Variants in GNB5 observed in about 807,000 individuals in gnomAD.
GNB5 encodes guanine nucleotide-binding protein subunit beta-5.
GNB5 carries 37 observed loss-of-function variants against 55.3 expected under a neutral mutation model. That is an observed-to-expected ratio of 0.67 (90% confidence interval 0.51 to 0.88). The LOEUF is 0.88. GNB5 is among the 40% of genes least tolerant of loss of function. GNB5 has a pLI of 0.00. For synonymous variants in GNB5, 219 were observed against 198.5 expected, an observed-to-expected ratio of 1.10 and a Z score of -0.87; for missense variants, 476 against 515.3, an observed-to-expected ratio of 0.92 and a Z score of 0.74.
At chr15:52,163,336 A>AT (rs2034377981) in intron 3 of GNB5, among the ~76,000 whole-genome samples, 2 of 152,164 alleles carry the variant, frequency 1.3e-5, no homozygotes, top group Non-Finnish European at 2.9e-5. Context: ...AGATCCATCT[A>AT]TTCCCCTAGG....
Position 52,117,102 on chromosome 15 carries a change from A to ATATATATATATATATATATATATTTTTTT in GNB5, c.*5654_*5655insAAAAAAATATATATATATATATATATATA. On this transcript the variant is annotated 3_prime_UTR_variant, in exon 13 of 13. Transcript: ENST00000261837. ...CCACGCCCAGCTAATATATATATAT[A>ATATATATATATATATATATATATTTTTTT]TTTTTTTTTAGTACAGACAGGGTTT... The ATATATATATATATATATATATATTTTTTT allele has an allele frequency of 1.7e-4, 15 of 87,088 alleles. No homozygotes were observed. In the East Asian group the frequency reaches 2.7e-3, roughly 16 times the overall value. The allele number at this position is 87,088 out of a possible 1,614,324, so 5.4% of individuals were successfully genotyped here. A position where few individuals can be genotyped will look rare whatever the true frequency, so the allele number is the denominator to read the frequency against.
In GNB5 at chr15:52,118,877, A is replaced by C. The variant is rs1354253835; in HGVS notation, c.*3880T>G. The C allele has an allele frequency of 6.6e-6, 1 of 151,230 alleles. No homozygotes were observed. Among genetic ancestry groups the C allele is most frequent in the Non-Finnish European group, 1.5e-5 (1 of 67,826 alleles). The allele number at this position is 151,230 out of a possible 1,614,324, so 9.4% of individuals were successfully genotyped here. The stretch of plus-strand genomic sequence containing the variant: ...AAGAGCAAAACTCCACGTAAAAAAA[A>C]AAAAAAAAAAAAAGTGTACAGAGAT... On this transcript the variant is annotated 3_prime_UTR_variant, in exon 13 of 13. Transcript: ENST00000261837.
intron 6 of GNB5, 193 bp downstream of exon 6, chr15:52,147,266 T>G (rs2033997117): frequency 6.4e-6 from 3 of 468,758 alleles, no homozygotes; most frequent in Non-Finnish European, 1.2e-5. Flanking sequence ...GCCTCCCAGG[T>G]GGCTGGGATT....
Position 52,184,647 on chromosome 15 carries a change from T to C in GNB5, c.30A>G (p.Val10=). The C allele has an allele frequency of 6.2e-7, 1 of 1,613,750 alleles. No homozygotes were observed. The highest frequency in any genetic ancestry group is 8.5e-7 in the Non-Finnish European group (1 of 1,179,688). Residue 10 remains valine, a synonymous_variant, in exon 2 of 13, where the codon GTA becomes GTG. Transcript: ENST00000261837. ...TGAAACATTTGTCACATGAGCCAAA[T>C]ACATTAACGAGAAAGGTCTGATCAC... The part of the protein sequence containing the change: MCDQTFLVN[V]FGSCDKCFKQ...
At position 52,136,172 on chromosome 15, in the gene GNB5, A is replaced by ACACC. The variant is rs1168734914; in HGVS notation, c.628-417_628-416insGGTG. On this transcript the variant is annotated intron_variant, in intron 7 of 12. Coordinates refer to ENST00000261837, the MANE Select transcript of GNB5 (RefSeq NM_016194.4). ...CACACACACACACACACACACACACACCCTACCTGCTGTATCTGGGTTCAT... is the reference window on the plus strand; with the variant it reads ...CACACACACACACACACACACACACACACCCCCTACCTGCTGTATCTGGGTTCAT... Among the ~76,000 whole-genome samples, 703 of 100,084 alleles carry ACACC rather than the reference A, an allele frequency of 7.0e-3. 54 individuals carry two copies. Among genetic ancestry groups the ACACC allele is most frequent in the African/African-American group, 0.025 (563 of 22,758 alleles). 65.7% of individuals were successfully genotyped at this position (100,084 alleles called of 152,430 possible). A position where few individuals can be genotyped will look rare whatever the true frequency, so the allele number is the denominator to read the frequency against.
intron 3 of GNB5, among the ~76,000 whole-genome samples, chr15:52,177,028 C>CT (rs545411940): frequency 0.031 from 2,378 of 77,636 alleles, 156 homozygotes; most frequent in African/African-American, 0.077. Context: ...CTAGCTCCTC[C>CT]TTTTTTTTTT....
At chr15:52,156,427 CT>C (rs2034208683) in intron 3 of GNB5, among the ~76,000 whole-genome samples, 1 of 152,206 alleles carries the variant, frequency 6.6e-6, no homozygotes, top group African/African-American at 2.4e-5. Context: ...AAAACTCAAA[CT>C]GTAAAAATAC....
intron 12 of GNB5, among the ~76,000 whole-genome samples, chr15:52,123,229 T>C (rs2033319980): frequency 6.6e-6 from 1 of 152,200 alleles, no homozygotes; most frequent in Non-Finnish European, 1.5e-5. Context: ...AACACTAGAC[T>C]ACTCAACTTA....
At chr15:52,161,792 G>A (rs955561734) in intron 3 of GNB5, among the ~76,000 whole-genome samples, 3 of 152,218 alleles carry the variant, frequency 2.0e-5, no homozygotes, top group South Asian at 2.1e-4. Context: ...CCTGTGCTGC[G>A]TGCCAGACTG....
At chr15:52,126,946 G>A (rs570274462) in intron 10 of GNB5, among the ~76,000 whole-genome samples, 24 of 152,224 alleles carry the variant, frequency 1.6e-4, no homozygotes, top group East Asian at 1.4e-3. Flanking sequence ...ACAGGTGACC[G>A]CCACCACGCC....
chr15:52,132,829 G>T (rs773003305), intron 9 of GNB5, among the ~76,000 whole-genome samples: 5 of 151,792 alleles, frequency 3.3e-5, no homozygotes, highest in Admixed American at 6.6e-5. Flanking sequence ...CTTTTGTTAG[G>T]TCCCTTAACC....
chr15:52,165,526 A>G (rs2034433236), intron 3 of GNB5, among the ~76,000 whole-genome samples: 1 of 152,224 alleles, frequency 6.6e-6, no homozygotes, highest in Non-Finnish European at 1.5e-5. Flanking sequence ...ACAAGCCCGA[A>G]GAGAGTGGGG....
chr15:52,165,059 G>A (rs116566232), intron 3 of GNB5, among the ~76,000 whole-genome samples: 293 of 152,258 alleles, frequency 1.9e-3, no homozygotes, highest in African/African-American at 6.9e-3. Context: ...AGAATGTCAC[G>A]ATGCAATCAC....
At chr15:52,180,256 G>C (rs2034745883) in intron 2 of GNB5, 1 of 157,722 alleles carries the variant, frequency 6.3e-6, no homozygotes, top group Non-Finnish European at 1.4e-5. Flanking sequence ...GGGGAGACCG[G>C]TGAGGCCCCC....
intron 2 of GNB5, among the ~76,000 whole-genome samples, chr15:52,183,146 A>G (rs767200597): frequency 1.3e-5 from 2 of 152,226 alleles, no homozygotes; most frequent in African/African-American, 4.8e-5. Flanking sequence ...AAAAACCGCA[A>G]TTACTTTTGC....
In GNB5 at chr15:52,116,920, T is replaced by A. The variant is rs1596042986; in HGVS notation, c.*5837A>T. 1 of 123,306 alleles carries A rather than the reference T, an allele frequency of 8.1e-6. No individual in the cohort carries two copies. Among genetic ancestry groups the A allele is most frequent in the Admixed American group, 7.5e-5 (1 of 13,308 alleles). The allele number at this position is 123,306 out of a possible 1,614,324, so 7.6% of individuals were successfully genotyped here. A position where few individuals can be genotyped will look rare whatever the true frequency, so the allele number is the denominator to read the frequency against. On this transcript the variant is annotated 3_prime_UTR_variant, in exon 13 of 13. Coordinates refer to ENST00000261837, the MANE Select transcript of GNB5 (RefSeq NM_016194.4). ...TTCCTTTAAAAACCTTTGTTTTTCTTTTTTTTTTTCTTTGTTTTTTTGAGT... is the reference window on the plus strand; with the variant it reads ...TTCCTTTAAAAACCTTTGTTTTTCTATTTTTTTTTCTTTGTTTTTTTGAGT...
chr15:52,115,755 T>G lies in GNB5; in HGVS notation c.*7002A>C, dbSNP rs2033132971. The G allele has an allele frequency of 6.6e-6, 1 of 152,240 alleles. No homozygotes were observed. Among genetic ancestry groups the G allele is most frequent in the African/African-American group, 2.4e-5 (1 of 41,466 alleles). The allele number at this position is 152,240 out of a possible 1,614,324, so 9.4% of individuals were successfully genotyped here. ...TTCACCCTCTTACAGTCCAGTGGTTTTTAGTCTATTCACAGAATTGTGCAA... is the reference window on the plus strand; with the variant it reads ...TTCACCCTCTTACAGTCCAGTGGTTGTTAGTCTATTCACAGAATTGTGCAA... On this transcript the variant is annotated 3_prime_UTR_variant, in exon 13 of 13. Transcript: ENST00000261837.
chr15:52,128,939 C>T (rs942176659), intron 9 of GNB5: 4 of 300,504 alleles, frequency 1.3e-5, no homozygotes, highest in South Asian at 8.7e-5. Flanking sequence ...TTCCCCACAC[C>T]TTCCATTGTT....
At chr15:52,128,926 G>T in intron 9 of GNB5, 1 of 322,536 alleles carries the variant, frequency 3.1e-6, no homozygotes, top group Non-Finnish European at 6.1e-6. Flanking sequence ...TCACCCAGCT[G>T]TGTTCCCCAC....
Sources: allele counts gnomAD v4.1 joint callset (sites outside exome capture counted in the v4.1 genomes callset), GRCh38; gene constraint gnomAD v4.1.1; transcripts MANE v1.5; gene names NCBI Gene and HGNC (gene_info 2026-07-23, HGNC 2026-07-21).